The following CFAP54 variants were observed in gnomAD, a reference collection of about 807,000 sequenced individuals.
CFAP54 encodes the protein cilia and flagella associated protein 54, also known as cilia- and flagella-associated protein 54.
In CFAP54, 290 loss-of-function variants were observed where a neutral mutation model predicts 370.4. The observed-to-expected ratio is 0.78, with a 90% CI of 0.71 to 0.86. The LOEUF (loss-of-function observed/expected upper bound fraction) is 0.86, where lower values mean the gene tolerates loss of function less well. Among genes scored for constraint, CFAP54 ranks in the 40% least tolerant of loss-of-function variants. The pLI, the probability that CFAP54 is intolerant of heterozygous loss-of-function variation, is 0.00. For missense variants in CFAP54, 3,399 were observed against 3,528.7 expected (o/e 0.96, Z 0.93); for synonymous variants, 1,206 against 1,236.5 (o/e 0.98, Z 0.52).
chr12:96,705,197 CATGGTTTTT>C lies in CFAP54; in HGVS notation c.6528+404_6528+412del, dbSNP rs561202601. On this transcript the variant is annotated intron_variant, in intron 47 of 67. Coordinates refer to ENST00000524981, the MANE Select transcript of CFAP54 (RefSeq NM_001306084.2). ...ACGACAGTTAATGCAGATATATACA[CATGGTTTTT>C]ATTTTTTTAAGTGCTAGGAAACAGC... Among the ~76,000 whole-genome samples the C allele has an allele frequency of 6.2e-4, 95 of 152,160 alleles. 1 individual carries two copies. The highest frequency in any genetic ancestry group is 2.2e-3 in the African/African-American group (92 of 41,520).
intron 39 of CFAP54, among the ~76,000 whole-genome samples, chr12:96,671,230 C>T (rs1456291024): frequency 2.0e-5 from 3 of 152,144 alleles, no homozygotes; most frequent in African/African-American, 7.2e-5. Context: ...CCTTGGCCTC[C>T]CAAAGTGCTG....
intron 12 of CFAP54, among the ~76,000 whole-genome samples, chr12:96,536,816 G>A (rs139326077): frequency 7.5e-4 from 114 of 151,820 alleles, no homozygotes; most frequent in African/African-American, 2.6e-3. Flanking sequence ...TAGTAGAGAC[G>A]GGTTTCCCCA....
chr12:96,649,909 CATTT>C lies in CFAP54; in HGVS notation c.4713_4716del (p.Phe1571LeufsTer4), dbSNP rs1448892603. On this transcript the variant is annotated frameshift_variant, in exon 35 of 68. Coordinates refer to ENST00000524981, the MANE Select transcript of CFAP54 (RefSeq NM_001306084.2). LOFTEE classifies it high-confidence loss of function. ...ACTGTAGATGCTGAAGAATTTTCTA[CATTT>C]ATTAATTCCATAATGAGTGATGAAA... 1.3e-6 allele frequency: 2 copies of C among 1,595,718 alleles called. No individual in the cohort carries two copies. Among genetic ancestry groups the C allele is most frequent in the East Asian group, 4.5e-5 (2 of 44,692 alleles).
chr12:96,490,083 C>G (rs1023119477), intron 1 of CFAP54, among the ~76,000 whole-genome samples, 157 bp downstream of exon 1: 6 of 152,140 alleles, frequency 3.9e-5, no homozygotes, highest in Non-Finnish European at 8.8e-5. Context: ...GAAGTGGAGA[C>G]TCGTCGCTCT....
intron 63 of CFAP54, among the ~76,000 whole-genome samples, chr12:96,795,100 G>C (rs1485062002): frequency 6.6e-6 from 1 of 152,202 alleles, no homozygotes; most frequent in East Asian, 1.9e-4. Context: ...TCCACCTTCA[G>C]GTCTCTCAGC....
At chr12:96,604,414 GGGA>G (rs1565910959) in intron 26 of CFAP54, among the ~76,000 whole-genome samples, 6 of 152,238 alleles carry the variant, frequency 3.9e-5, no homozygotes, top group Non-Finnish European at 1.5e-5. Flanking sequence ...ACAGGGGTCA[GGGA>G]CCCACTTGAG....
chr12:96,620,217 A>G (rs1253727203), intron 26 of CFAP54, among the ~76,000 whole-genome samples: 2 of 152,126 alleles, frequency 1.3e-5, no homozygotes, highest in African/African-American at 2.4e-5. Context: ...GAGAAGTAAC[A>G]GTTGTTATTT....
chr12:96,521,523 T>C (rs1318169096), intron 6 of CFAP54, among the ~76,000 whole-genome samples: 1 of 115,766 alleles, frequency 8.6e-6, no homozygotes, highest in African/African-American at 3.8e-5. Context: ...TGTGTGTGTG[T>C]GTGTGTGTGT....
chr12:96,627,355 A>G (rs1403600606), intron 30 of CFAP54, among the ~76,000 whole-genome samples: 3 of 152,238 alleles, frequency 2.0e-5, no homozygotes, highest in Non-Finnish European at 2.9e-5. Context: ...GAGTTCCTCA[A>G]ATAAAAGCAG....
At chr12:96,596,542 A>G (rs1339069400) in intron 25 of CFAP54, among the ~76,000 whole-genome samples, 1 of 151,998 alleles carries the variant, frequency 6.6e-6, no homozygotes, top group Admixed American at 6.6e-5. Context: ...ATAGAGTTTG[A>G]CCCCTATTTG....
intron 3 of CFAP54, 32 bp downstream of exon 3, chr12:96,504,061 A>C (rs1468220949): frequency 6.8e-7 from 1 of 1,476,452 alleles, no homozygotes; most frequent in East Asian, 2.5e-5. Context: ...AATAGCTACA[A>C]TTTATGATTA....
At chr12:96,648,692 G>A (rs1592906809) in intron 34 of CFAP54, among the ~76,000 whole-genome samples, 1 of 144,220 alleles carries the variant, frequency 6.9e-6, no homozygotes, top group South Asian at 2.2e-4. Flanking sequence ...GAATTCAAGC[G>A]ATTCTCCTGC....
At chr12:96,641,938 C>A (rs7961765) in intron 32 of CFAP54, among the ~76,000 whole-genome samples, 9 of 137,732 alleles carry the variant, frequency 6.5e-5, no homozygotes, top group African/African-American at 1.9e-4. Context: ...TGGGGTGGTG[C>A]GGGGGGGGAG....
intron 22 of CFAP54, among the ~76,000 whole-genome samples, chr12:96,587,029 C>A (rs1371762924): frequency 2.0e-5 from 3 of 152,016 alleles, no homozygotes; most frequent in African/African-American, 7.3e-5. Flanking sequence ...TAAAAGATGA[C>A]CCTAAGGTAT....
At chr12:96,866,683 T>C (rs1217104792) in intron 67 of CFAP54, among the ~76,000 whole-genome samples, 1 of 152,194 alleles carries the variant, frequency 6.6e-6, no homozygotes. Flanking sequence ...CAAGAATTTA[T>C]TGGACTGATT....
intron 39 of CFAP54, 65 bp from the exon 40 acceptor site, chr12:96,679,535 G>T (rs1313847097): frequency 6.0e-5 from 89 of 1,489,898 alleles, no homozygotes; most frequent in Non-Finnish European, 7.4e-5. Flanking sequence ...TTATAAACTT[G>T]CTGGCTCTTA....
intron 66 of CFAP54, among the ~76,000 whole-genome samples, chr12:96,839,088 A>G (rs1213276808): frequency 1.3e-5 from 2 of 152,180 alleles, no homozygotes; most frequent in Non-Finnish European, 2.9e-5. Flanking sequence ...TTTGTGAAGC[A>G]GTATGTGTAG....
intron 4 of CFAP54, among the ~76,000 whole-genome samples, chr12:96,512,081 A>AT (rs1215108429): frequency 6.6e-6 from 1 of 151,754 alleles, no homozygotes; most frequent in African/African-American, 2.4e-5. Flanking sequence ...TGGAAATGCT[A>AT]TTTTTTCACT....
At chr12:96,761,758 C>T (rs868154075) in intron 58 of CFAP54, among the ~76,000 whole-genome samples, 7 of 152,090 alleles carry the variant, frequency 4.6e-5, no homozygotes, top group African/African-American at 1.4e-4. Flanking sequence ...ATCCTTTTCT[C>T]GTTGGATTGC....
Sources: gnomAD v4.1 joint callset for allele counts (sites outside exome capture counted in the v4.1 genomes callset) on GRCh38, gnomAD v4.1.1 for gene constraint, MANE v1.5 for transcripts, NCBI Gene and HGNC (gene_info 2026-07-23, HGNC 2026-07-21) for gene names.